The following AGAP1 variants were observed in gnomAD, a reference collection of about 807,000 sequenced individuals.
AGAP1 encodes arf-GAP with GTPase, ANK repeat and PH domain-containing protein 1.
In AGAP1, 29 loss-of-function variants were observed where a neutral mutation model predicts 105.3. That is an observed-to-expected ratio of 0.28 (90% CI 0.21 to 0.38). The LOEUF is 0.38. Among genes scored for constraint, AGAP1 ranks in the 10% least tolerant of loss-of-function variants. The pLI is 1.00. For missense variants in AGAP1, 998 were observed against 1,165.1 expected (o/e 0.86, Z 2.09); for synonymous variants, 509 against 485.9 (o/e 1.05, Z -0.63).
rs1953450379 is a variant in AGAP1 at position 235,751,635 on chromosome 2, C to G, written c.673+1147C>G. On this transcript the variant is annotated intron_variant, in intron 6 of 17. Transcript: ENST00000304032. This position sits in a 1 kb window ranked among gnomAD's most constrained non-coding sequence, Gnocchi z 5.3. ...GATTCTGTACATTCACTGTTCAACT[C>G]AGTTTCAAAGATGACATCAGTTCTC... Among the ~76,000 whole-genome samples the G allele has an allele frequency of 6.6e-6, 1 of 152,218 alleles. No individual in the cohort carries two copies. Among genetic ancestry groups the G allele is most frequent in the Admixed American group, 6.5e-5 (1 of 15,282 alleles).
intron 6 of AGAP1, among the ~76,000 whole-genome samples, chr2:235,757,671 C>T (rs1280838737): frequency 1.3e-5 from 2 of 152,154 alleles, no homozygotes; most frequent in East Asian, 1.9e-4. Flanking sequence ...GCCGAGAGCC[C>T]GAGCTGGGAG....
intron 11 of AGAP1, among the ~76,000 whole-genome samples, chr2:235,918,920 C>T (rs564055576): frequency 3.3e-5 from 5 of 152,198 alleles, no homozygotes; most frequent in Non-Finnish European, 7.4e-5. Flanking sequence ...AACTTGATTC[C>T]TGATGATTTC....
intron 12 of AGAP1, among the ~76,000 whole-genome samples, chr2:235,945,676 G>T (rs774742697): frequency 1.3e-5 from 2 of 151,936 alleles, no homozygotes; most frequent in African/African-American, 4.8e-5. Flanking sequence ...TCTTAGATTC[G>T]GGAGTGGGTA....
At chr2:235,536,472 C>A (rs1317789583) in intron 1 of AGAP1, among the ~76,000 whole-genome samples, 1 of 121,328 alleles carries the variant, frequency 8.2e-6, no homozygotes. Context: ...GCATCCTACA[C>A]ACACACACAC....
intron 1 of AGAP1, among the ~76,000 whole-genome samples, chr2:235,588,228 C>CA (rs34739482): frequency 0.56 from 74,011 of 131,248 alleles, 19,495 homozygotes; most frequent in African/African-American, 0.65. Context: ...GACTCCGTCT[C>CA]AAAAAAAAAA....
chr2:236,103,200 C>T (rs952811912), intron 16 of AGAP1, among the ~76,000 whole-genome samples: 2 of 152,120 alleles, frequency 1.3e-5, no homozygotes, highest in Admixed American at 6.5e-5. Flanking sequence ...TTCCATCCTC[C>T]GGCCTCACCT....
Position 235,609,227 on chromosome 2 carries a change from A to T in AGAP1, c.164-99952A>T, listed in dbSNP as rs2149250854. On this transcript the variant is annotated intron_variant, in intron 1 of 17. Transcript: ENST00000304032. This position sits in a 1 kb window ranked among gnomAD's most constrained non-coding sequence, Gnocchi z 5.1. The stretch of plus-strand genomic sequence containing the variant: ...GAGCACTTTTTCTTGATCACTGATG[A>T]TGACCGTAAACAAGCTGTGGGAACA... 6.6e-6 allele frequency among the ~76,000 whole-genome samples: 1 copy of T among 152,214 alleles called. No homozygotes were observed. Among genetic ancestry groups the T allele is most frequent in the Non-Finnish European group, 1.5e-5 (1 of 68,024 alleles).
At position 235,736,826 on chromosome 2, in the gene AGAP1, G is replaced by A. The variant is rs1952283835; in HGVS notation, c.311-4137G>A. The stretch of plus-strand genomic sequence containing the variant: ...ACCGCACTCCAGCCTAGGCAACAGA[G>A]TGAGACTGTGTCTCAAAAAACAAAA... On this transcript the variant is annotated intron_variant, in intron 3 of 17. Transcript: ENST00000304032. This position sits in a 1 kb window ranked among gnomAD's most constrained non-coding sequence, Gnocchi z 5.5. Among the ~76,000 whole-genome samples the A allele has an allele frequency of 6.6e-6, 1 of 152,188 alleles. No homozygotes were observed. The highest frequency in any genetic ancestry group is 1.5e-5 in the Non-Finnish European group (1 of 68,036).
chr2:236,004,561 C>T (rs1252896034), intron 13 of AGAP1, among the ~76,000 whole-genome samples: 1 of 152,232 alleles, frequency 6.6e-6, no homozygotes, highest in Non-Finnish European at 1.5e-5. Flanking sequence ...GGAGGCTATA[C>T]CCTCCTCCCA....
intron 1 of AGAP1, among the ~76,000 whole-genome samples, chr2:235,650,165 C>G (rs1947533778): frequency 6.6e-6 from 1 of 152,034 alleles, no homozygotes. Flanking sequence ...AGTTCGAGAC[C>G]AGCCTGCCCA....
In AGAP1 at chr2:236,030,013, C is replaced by T. The variant is rs551208945; in HGVS notation, c.1646-6548C>T. ...CTCACATCCCAAAGTGCTGAGTTGG[C>T]AGACATGATCCCTTGCACCTGGCCT... On this transcript the variant is annotated intron_variant, in intron 13 of 17. Coordinates refer to ENST00000304032, the MANE Select transcript of AGAP1 (RefSeq NM_001037131.3). 3.9e-5 allele frequency among the ~76,000 whole-genome samples: 6 copies of T among 152,350 alleles called. No individual in the cohort carries two copies. In the South Asian group the frequency reaches 1.0e-3, roughly 26 times the overall value.
chr2:236,059,145 A>T (rs1232515838), intron 16 of AGAP1, among the ~76,000 whole-genome samples: 1 of 151,900 alleles, frequency 6.6e-6, no homozygotes, highest in Non-Finnish European at 1.5e-5. Flanking sequence ...TGGGCAAAAT[A>T]ACAAGACCGT....
chr2:235,573,010 TTC>T (rs141307426), intron 1 of AGAP1, among the ~76,000 whole-genome samples: 20,907 of 54,056 alleles, frequency 0.39, 3,852 homozygotes, highest in South Asian at 0.55. Flanking sequence ...CTTCTTCTTC[TTC>T]TTCTTCTTCT....
At chr2:235,807,431 C>G in intron 9 of AGAP1, 100 bp downstream of exon 9, 1 of 1,027,806 alleles carries the variant, frequency 9.7e-7, no homozygotes, top group Admixed American at 2.7e-5. Context: ...GTCTGATGTG[C>G]TCTGTTGATG....
intron 9 of AGAP1, among the ~76,000 whole-genome samples, chr2:235,876,438 C>T (rs1456723223): frequency 6.6e-6 from 1 of 152,170 alleles, no homozygotes; most frequent in Non-Finnish European, 1.5e-5. Context: ...CCATATTCAC[C>T]CCTAGGCTTC....
At position 235,721,712 on chromosome 2, in the gene AGAP1, T is replaced by G. The variant is rs1251149484; in HGVS notation, c.310+4068T>G. Among the ~76,000 whole-genome samples the G allele has an allele frequency of 6.6e-6, 1 of 152,204 alleles. No homozygotes were observed. Among genetic ancestry groups the G allele is most frequent in the African/African-American group, 2.4e-5 (1 of 41,448 alleles). On this transcript the variant is annotated intron_variant, in intron 3 of 17. Coordinates refer to ENST00000304032, the MANE Select transcript of AGAP1 (RefSeq NM_001037131.3). This position sits in a 1 kb window ranked among gnomAD's most constrained non-coding sequence, Gnocchi z 4.5. ...GGTTCTGATTTAATTAGTGTGTGCA[T>G]ATCCTTTATATTCTAATCCTGACCC... is the stretch of plus-strand genomic sequence containing the variant.
In AGAP1 at chr2:235,960,417, C is replaced by A. The variant is rs569497260; in HGVS notation, c.1484-8045C>A. On this transcript the variant is annotated intron_variant, in intron 12 of 17. Transcript: ENST00000304032. The surrounding 1 kb of genome is among the most constrained non-coding windows in gnomAD (Gnocchi z 4.9). ...TTCTGTTCTCTGTCTCCCCAGCCCT[C>A]TCCTGGGCTTTCTCCCGGTGCAATG... Among the ~76,000 whole-genome samples the A allele has an allele frequency of 6.6e-6, 1 of 152,300 alleles. No individual in the cohort carries two copies. The highest frequency in any genetic ancestry group is 1.9e-4 in the East Asian group (1 of 5,170).
chr2:235,694,478 CAAA>C (rs1055692749), intron 1 of AGAP1, among the ~76,000 whole-genome samples: 11 of 73,650 alleles, frequency 1.5e-4, no homozygotes, highest in African/African-American at 3.4e-4. Context: ...GACTCTGTCT[CAAA>C]AAAAAAAAAA....
chr2:236,018,326 C>G lies in AGAP1; in HGVS notation c.1646-18235C>G, dbSNP rs143128789. On this transcript the variant is annotated intron_variant, in intron 13 of 17. Transcript: ENST00000304032. ...ACCAGATGACTGAGGCTAGACTCAC[C>G]AATGTTCAACTGAAAGTAAATGTAT... is the stretch of plus-strand genomic sequence containing the variant. Among the ~76,000 whole-genome samples, 892 of 152,274 alleles carry G rather than the reference C, an allele frequency of 5.9e-3. 5 individuals carry two copies. The highest frequency in any genetic ancestry group is 0.02 in the African/African-American group (841 of 41,552).
Sources: gnomAD v4.1 joint callset for allele counts (sites outside exome capture counted in the v4.1 genomes callset) on GRCh38, gnomAD v4.1.1 for gene constraint, Gnocchi (gnomAD v3.1) non-coding constraint, MANE v1.5 for transcripts, NCBI Gene and HGNC (gene_info 2026-07-23, HGNC 2026-07-21) for gene names.